Variants in CACNA1A observed in about 807,000 individuals in gnomAD.
CACNA1A encodes calcium voltage-gated channel subunit alpha1 A.
Under a neutral mutation model 262.4 loss-of-function variants are expected in CACNA1A, and 57 were observed. The observed-to-expected ratio is 0.22, with a 90% CI of 0.18 to 0.27. The LOEUF (loss-of-function observed/expected upper bound fraction) is 0.27. CACNA1A is among the 10% of genes least tolerant of loss of function. The pLI, the probability that CACNA1A is intolerant of heterozygous loss-of-function variation, is 1.00. For synonymous variants in CACNA1A, 1,431 were observed against 1,419.3 expected (o/e 1.01, Z -0.18); for missense variants, 2,526 against 3,562.8 (o/e 0.71, Z 7.41).
rs962294174 is a variant in CACNA1A, at chr19:13,207,916, G to A, written c.6918C>T (p.Ala2306=). ...GCTGCTGCGGGGGCCCCGAGCCGCC[G>A]GCCTTACGGATCACAGGGGAATAGG... ...HVSYSPVIRK[A]GGSGPPQQQQ... The change falls in exon 47 of 47, where the codon GCC becomes GCT. Residue 2306 remains alanine, a synonymous_variant. Coordinates refer to ENST00000360228, the MANE Select transcript of CACNA1A (RefSeq NM_001127222.2). This position sits in a 1 kb window ranked among gnomAD's most constrained non-coding sequence, Gnocchi z 5.7. 3.4e-5 allele frequency: 50 copies of A among 1,465,480 alleles called. 2 individuals carry two copies. Among genetic ancestry groups the A allele is most frequent in the Admixed American group, 2.2e-4 (9 of 41,116 alleles). 90.8% of individuals were successfully genotyped at this position (1,465,480 alleles called of 1,614,324 possible).
intron 1 of CACNA1A, among the ~76,000 whole-genome samples, chr19:13,499,644 G>A (rs750610487): frequency 5.3e-5 from 8 of 152,138 alleles, no homozygotes; most frequent in Non-Finnish European, 8.8e-5. Flanking sequence ...CCCTCCAAGG[G>A]AGATGCTACT....
At chr19:13,372,884 TA>T (rs1362457849) in intron 3 of CACNA1A, among the ~76,000 whole-genome samples, 1 of 152,184 alleles carries the variant, frequency 6.6e-6, no homozygotes, top group Non-Finnish European at 1.5e-5. Flanking sequence ...ATGATAGCAG[TA>T]GGTGGGATGA....
intron 30 of CACNA1A, among the ~76,000 whole-genome samples, chr19:13,248,564 T>G (rs8104484): frequency 0.013 from 2,000 of 150,684 alleles, 42 homozygotes; most frequent in African/African-American, 0.047. Flanking sequence ...AACTGCAGGC[T>G]AGGTACGGTG....
chr19:13,320,527 G>C (rs1045907510), intron 10 of CACNA1A, among the ~76,000 whole-genome samples: 3 of 152,158 alleles, frequency 2.0e-5, no homozygotes, highest in Non-Finnish European at 2.9e-5. Context: ...ATCATGACTA[G>C]GTTCACGTGC....
chr19:13,255,343 C>T (rs187202587), intron 28 of CACNA1A, 84 bp from the exon 29 acceptor site: 160 of 1,329,502 alleles, frequency 1.2e-4, no homozygotes, highest in Non-Finnish European at 1.4e-4. Context: ...TAACTCGTCG[C>T]GGTTCTCAAG....
At chr19:13,439,532 T>A (rs2060677649) in intron 3 of CACNA1A, among the ~76,000 whole-genome samples, 1 of 151,488 alleles carries the variant, frequency 6.6e-6, no homozygotes, top group Non-Finnish European at 1.5e-5. Context: ...CCCCAGTAGC[T>A]GGGACTACAG....
chr19:13,480,338 T>G (rs1050703305), intron 1 of CACNA1A, among the ~76,000 whole-genome samples: 2 of 152,362 alleles, frequency 1.3e-5, no homozygotes, highest in East Asian at 3.9e-4. Context: ...CCTTTCCAAT[T>G]AATGAATAGT....
chr19:13,329,982 G>A (rs2058438671), intron 10 of CACNA1A, among the ~76,000 whole-genome samples: 1 of 152,220 alleles, frequency 6.6e-6, no homozygotes, highest in East Asian at 1.9e-4. Context: ...AACTTGACTG[G>A]GAGCTTCGTC....
At chr19:13,293,911 C>T (rs1049799803) in intron 19 of CACNA1A, among the ~76,000 whole-genome samples, 11 of 152,020 alleles carry the variant, frequency 7.2e-5, no homozygotes, top group Admixed American at 2.0e-4. Flanking sequence ...AAAGTCCTTG[C>T]CTTTCACAAC....
At chr19:13,336,598 A>AGAGAGG (rs757141936) in intron 6 of CACNA1A, among the ~76,000 whole-genome samples, 1,513 of 102,110 alleles carry the variant, frequency 0.015, 14 homozygotes, top group African/African-American at 0.02. Context: ...AGAGAGGGAG[A>AGAGAGG]GAGAGAGAGA....
At chr19:13,284,680 G>A (rs533587989) in intron 21 of CACNA1A, 6 of 183,966 alleles carry the variant, frequency 3.3e-5, no homozygotes, top group South Asian at 1.3e-4. Flanking sequence ...GGGCTGCCAC[G>A]TGCAGTTGTT....
At chr19:13,345,484 G>A (rs972807518) in intron 6 of CACNA1A, among the ~76,000 whole-genome samples, 2 of 152,252 alleles carry the variant, frequency 1.3e-5, no homozygotes, top group South Asian at 2.1e-4. Context: ...CTTAGAAAGC[G>A]CTCCATAAAT....
At chr19:13,391,667 C>T (rs113856178) in intron 3 of CACNA1A, among the ~76,000 whole-genome samples, 79 of 152,142 alleles carry the variant, frequency 5.2e-4, no homozygotes, top group African/African-American at 1.8e-3. Context: ...GAGGCTGAGA[C>T]AGGAGGATTG....
intron 24 of CACNA1A, among the ~76,000 whole-genome samples, chr19:13,269,403 C>G (rs1178165219): frequency 6.6e-6 from 1 of 152,184 alleles, no homozygotes; most frequent in Non-Finnish European, 1.5e-5. Flanking sequence ...ATCTCGCACT[C>G]TAATCTTCTT....
At chr19:13,392,052 A>G (rs1383959974) in intron 3 of CACNA1A, among the ~76,000 whole-genome samples, 2 of 151,338 alleles carry the variant, frequency 1.3e-5, no homozygotes, top group Non-Finnish European at 2.9e-5. Flanking sequence ...AAAAAAGAAA[A>G]AAAAGAAAAT....
intron 1 of CACNA1A, among the ~76,000 whole-genome samples, chr19:13,474,305 G>A (rs1978312819): frequency 6.6e-6 from 1 of 152,220 alleles, no homozygotes; most frequent in African/African-American, 2.4e-5. Flanking sequence ...TCTTGCTTAG[G>A]TGAGCAAAAG....
At chr19:13,247,711 T>A (rs1053930858) in intron 30 of CACNA1A, among the ~76,000 whole-genome samples, 5 of 54,262 alleles carry the variant, frequency 9.2e-5, no homozygotes, top group East Asian at 4.8e-4. Context: ...AATAAATAAA[T>A]AAAAATAAAT....
intron 3 of CACNA1A, among the ~76,000 whole-genome samples, chr19:13,413,690 C>T (rs1426712081): frequency 6.8e-6 from 1 of 146,484 alleles, no homozygotes; most frequent in East Asian, 2.1e-4. Flanking sequence ...ACCAGCCCGG[C>T]CAACATAGCG....
At chr19:13,286,460 C>T (rs369299210) in intron 20 of CACNA1A, 43 bp downstream of exon 20, 18 of 984,952 alleles carry the variant, frequency 1.8e-5, no homozygotes, top group South Asian at 3.9e-5. Context: ...GCTCCAGGGA[C>T]GCCAGGTCCC....
Sources: gnomAD v4.1 joint callset for allele counts (sites outside exome capture counted in the v4.1 genomes callset) on GRCh38, gnomAD v4.1.1 for gene constraint, Gnocchi (gnomAD v3.1) non-coding constraint, MANE v1.5 for transcripts, NCBI Gene and HGNC (gene_info 2026-07-23, HGNC 2026-07-21) for gene names.